Variants in ARHGEF18 observed in about 807,000 individuals in gnomAD.
ARHGEF18 encodes the protein Rho/Rac guanine nucleotide exchange factor 18, also known as rho guanine nucleotide exchange factor 18.
In ARHGEF18, 93 loss-of-function variants were observed where a neutral mutation model predicts 155.7. The ratio of observed to expected loss-of-function variants is 0.60; its 90% CI spans 0.50 to 0.71. ARHGEF18 has a LOEUF of 0.71. ARHGEF18 is among the 30% of genes least tolerant of loss of function. The pLI, the probability that ARHGEF18 is intolerant of heterozygous loss-of-function variation, is 0.00. For synonymous variants in ARHGEF18, 742 were observed against 753.1 expected (o/e 0.99, Z 0.24); for missense variants, 1,593 against 1,816.1 (o/e 0.88, Z 2.23).
At chr19:7,352,109 T>C (rs1005815946) in intron 1 of ARHGEF18, among the ~76,000 whole-genome samples, 17 of 152,338 alleles carry the variant, frequency 1.1e-4, no homozygotes, top group African/African-American at 4.1e-4. Context: ...GGTAGTCTGA[T>C]TAAATGCCAG....
intron 11 of ARHGEF18, 91 bp from the exon 12 acceptor site, chr19:7,441,562 C>A: frequency 1.1e-6 from 1 of 907,780 alleles, no homozygotes; most frequent in South Asian, 1.4e-5. Context: ...AGTATCGAAT[C>A]GGATGGAGTC....
At chr19:7,375,364 AG>A in intron 3 of ARHGEF18, among the ~76,000 whole-genome samples, 1 of 150,320 alleles carries the variant, frequency 6.7e-6, no homozygotes, top group African/African-American at 2.4e-5. Flanking sequence ...AAAGGAAGGA[AG>A]GAAGGAAGGA....
intron 10 of ARHGEF18, among the ~76,000 whole-genome samples, chr19:7,438,064 T>TCTCCC (rs1252349919): frequency 2.1e-4 from 17 of 82,156 alleles, no homozygotes; most frequent in South Asian, 1.3e-3. Flanking sequence ...TCTCTTCTCT[T>TCTCCC]CTCCCCTCCC....
intron 15 of ARHGEF18, among the ~76,000 whole-genome samples, chr19:7,450,714 T>C (rs368524000): frequency 5.8e-5 from 6 of 103,580 alleles, no homozygotes; most frequent in Non-Finnish European, 8.8e-5. Flanking sequence ...GAGATGTTAA[T>C]GCAAGATCTT....
At chr19:7,379,472 T>C (rs1314680620) in intron 7 of ARHGEF18, among the ~76,000 whole-genome samples, 2 of 152,018 alleles carry the variant, frequency 1.3e-5, no homozygotes, top group Non-Finnish European at 2.9e-5. Flanking sequence ...GGCAGGAGAA[T>C]TGATTGAACC....
intron 10 of ARHGEF18, among the ~76,000 whole-genome samples, chr19:7,385,298 A>G (rs1434054619): frequency 2.0e-5 from 3 of 152,032 alleles, no homozygotes; most frequent in Non-Finnish European, 4.4e-5. Flanking sequence ...CTGGTTCCTT[A>G]TCATTCTCCA....
chr19:7,473,488 A>T (rs1347764433), downstream of ARHGEF18: 2 of 350,472 alleles, frequency 5.7e-6, no homozygotes, highest in Non-Finnish European at 1.1e-5. Context: ...TGGGCAACAT[A>T]GTGAAACCCC....
intron 1 of ARHGEF18, among the ~76,000 whole-genome samples, chr19:7,352,638 AT>A (rs1969185927): frequency 7.3e-6 from 1 of 136,312 alleles, no homozygotes; most frequent in African/African-American, 2.7e-5. Flanking sequence ...GGTTCACGCC[AT>A]TCTCCTGCCT....
At chr19:7,476,163 T>C (rs567363773), downstream of ARHGEF18, among the ~76,000 whole-genome samples, 1 of 152,306 alleles carries the variant, frequency 6.6e-6, no homozygotes, top group Non-Finnish European at 1.5e-5. Flanking sequence ...GTTTAAAAAT[T>C]AGCTGGATTT....
rs544404968 is a variant in ARHGEF18, at chr19:7,465,353, G to A, written c.2904+663G>A. Among the ~76,000 whole-genome samples, 21 of 152,096 alleles carry A rather than the reference G, an allele frequency of 1.4e-4. No individual in the cohort carries two copies. In the East Asian group the frequency reaches 2.1e-3, roughly 15 times the overall value. On this transcript the variant is annotated intron_variant, in intron 23 of 28. Coordinates refer to ENST00000668164, the MANE Select transcript of ARHGEF18 (RefSeq NM_001367823.1). ...TTTCAATAATAAGCAGGGGCCGGGT[G>A]CAGTGCCTCACACCCATAATCCCAG...
Position 7,385,870 on chromosome 19 carries a change from T to TCTCC in ARHGEF18, c.967+2668_967+2669insTCCC, listed in dbSNP as rs1555704468. Reference sequence around the variant, plus strand: ...CTCTCTCTCTCTCTCTCTCTCTCTCTCCCCCCTCCCTCTCTCCCTCCCTCC... The same window carrying TCTCC: ...CTCTCTCTCTCTCTCTCTCTCTCTCTCTCCCCCCCCTCCCTCTCTCCCTCCCTCC... On this transcript the variant is annotated intron_variant, in intron 10 of 28. Transcript: ENST00000668164. Among the ~76,000 whole-genome samples, 192 of 29,564 alleles carry TCTCC rather than the reference T, an allele frequency of 6.5e-3. 8 individuals carry two copies. The highest frequency in any genetic ancestry group is 0.027 in the African/African-American group (144 of 5,292). 19.4% of individuals were successfully genotyped at this position (29,564 alleles called of 152,430 possible). A position where few individuals can be genotyped will look rare whatever the true frequency, so the allele number is the denominator to read the frequency against.
intron 10 of ARHGEF18, among the ~76,000 whole-genome samples, chr19:7,406,592 T>C (rs1402571947): frequency 3.9e-5 from 6 of 152,166 alleles, no homozygotes; most frequent in South Asian, 4.1e-4. Flanking sequence ...AAAACAAAGC[T>C]GTACCAGCTG....
At chr19:7,456,712 G>A (rs541968345) in intron 18 of ARHGEF18, among the ~76,000 whole-genome samples, 7 of 152,278 alleles carry the variant, frequency 4.6e-5, no homozygotes, top group Admixed American at 6.5e-5. Flanking sequence ...CTGCTCTCCC[G>A]CCTGGGCAAC....
At position 7,471,844 on chromosome 19, in the gene ARHGEF18, C is replaced by G. The variant is rs1271336028; in HGVS notation, c.*1546C>G. 1 of 152,282 alleles carries G rather than the reference C, an allele frequency of 6.6e-6. No individual in the cohort carries two copies. Among genetic ancestry groups the G allele is most frequent in the Non-Finnish European group, 1.5e-5 (1 of 68,060 alleles). 9.4% of individuals were successfully genotyped at this position (152,282 alleles called of 1,614,324 possible). Reference sequence around the variant, plus strand: ...CCCATTGGTGACAAGGTCCTGAGAACACAGTGGCCAGGTGTCCCCAGGCTC... The same window carrying G: ...CCCATTGGTGACAAGGTCCTGAGAAGACAGTGGCCAGGTGTCCCCAGGCTC... On this transcript the variant is annotated 3_prime_UTR_variant, in exon 29 of 29. Coordinates refer to ENST00000668164, the MANE Select transcript of ARHGEF18 (RefSeq NM_001367823.1). The surrounding 1 kb of genome is among the most constrained non-coding windows in gnomAD (Gnocchi z 4.4).
chr19:7,407,294 C>T (rs1050127671), intron 10 of ARHGEF18, among the ~76,000 whole-genome samples: 2 of 151,582 alleles, frequency 1.3e-5, no homozygotes, highest in African/African-American at 2.4e-5. Flanking sequence ...GGTGTGGTGG[C>T]GGGCACCTGT....
In ARHGEF18 at chr19:7,437,227, G is replaced by A. The variant is rs1457702731; in HGVS notation, c.968-3117G>A. Among the ~76,000 whole-genome samples the A allele has an allele frequency of 4.6e-5, 7 of 152,168 alleles. No individual in the cohort carries two copies. The South Asian group carries it at 1.2e-3, about 27-fold the overall frequency. ...GTGGATCACCTGAAGTTGGGAGTTC[G>A]AGACCAGCCTGACCAACATGGAGAA... On this transcript the variant is annotated intron_variant, in intron 10 of 28. Transcript: ENST00000668164.
chr19:7,362,010 G>GAA lies in ARHGEF18; in HGVS notation c.-110-770_-110-769dup, dbSNP rs1239117400. Among the ~76,000 whole-genome samples, 2 of 60,758 alleles carry GAA rather than the reference G, an allele frequency of 3.3e-5. 1 individual carries two copies. Among genetic ancestry groups the GAA allele is most frequent in the East Asian group, 1.2e-3 (2 of 1,656 alleles). The allele number at this position is 60,758 out of a possible 152,430, so 39.9% of individuals were successfully genotyped here. The stretch of plus-strand genomic sequence containing the variant: ...CTCTGTGGAAGAAGAAGAAGAAGAA[G>GAA]AAGAAGGAGAAGGAGAAGGAGAAGG... On this transcript the variant is annotated intron_variant, in intron 1 of 28. Transcript: ENST00000668164.
intron 15 of ARHGEF18, among the ~76,000 whole-genome samples, chr19:7,448,559 G>A (rs1422215333): frequency 6.6e-6 from 1 of 152,074 alleles, no homozygotes; most frequent in Non-Finnish European, 1.5e-5. Context: ...TACTCGGGAG[G>A]CTGAGGCAGA....
In ARHGEF18 at chr19:7,466,852, A is replaced by G. The variant is rs753463175; in HGVS notation, c.2905-66A>G. On this transcript the variant is annotated intron_variant, in intron 23 of 28. Coordinates refer to ENST00000668164, the MANE Select transcript of ARHGEF18 (RefSeq NM_001367823.1). ...GTTAAAAAAAAAGAAGAAGAAGAAG[A>G]AGGCTTGAGTCTAGTCGGATGGGTC... The G allele has an allele frequency of 8.9e-5, 117 of 1,307,902 alleles. 3 individuals carry two copies. The South Asian group carries it at 1.3e-3, about 15-fold the overall frequency. 81.0% of individuals were successfully genotyped at this position (1,307,902 alleles called of 1,614,324 possible).
Sources: gnomAD v4.1 joint callset for allele counts (sites outside exome capture counted in the v4.1 genomes callset) on GRCh38, gnomAD v4.1.1 for gene constraint, Gnocchi (gnomAD v3.1) non-coding constraint, MANE v1.5 for transcripts, NCBI Gene and HGNC (gene_info 2026-07-23, HGNC 2026-07-21) for gene names.